The following ROBO1 variants were observed in gnomAD, a reference collection of about 807,000 sequenced individuals.
The protein encoded by ROBO1 is roundabout homolog 1.
ROBO1 carries 149 observed loss-of-function variants against 195.9 expected under a neutral mutation model. That is an observed-to-expected ratio of 0.76 (90% CI 0.67 to 0.87). The LOEUF is 0.87. Among genes scored for constraint, ROBO1 ranks in the 40% least tolerant of loss-of-function variants. ROBO1 has a pLI of 0.00. For missense variants in ROBO1, 1,933 were observed against 2,068.3 expected, an observed-to-expected ratio of 0.93 and a Z score of 1.27; for synonymous variants, 816 against 733.2, an observed-to-expected ratio of 1.11 and a Z score of -1.82.
At chr3:78,616,834 T>A (rs1019768173) in intron 27 of ROBO1, among the ~76,000 whole-genome samples, 4 of 152,152 alleles carry the variant, frequency 2.6e-5, no homozygotes, top group African/African-American at 4.8e-5. Flanking sequence ...TACATTTAAA[T>A]TCTTTTCTTT....
chr3:79,013,743 T>A (rs2077848329), intron 3 of ROBO1, among the ~76,000 whole-genome samples: 1 of 152,310 alleles, frequency 6.6e-6, no homozygotes, highest in African/African-American at 2.4e-5. Flanking sequence ...AGTAATATCT[T>A]AGAAATAACA....
chr3:79,312,803 T>C (rs1160817853), intron 2 of ROBO1, among the ~76,000 whole-genome samples: 1 of 152,068 alleles, frequency 6.6e-6, no homozygotes, highest in Non-Finnish European at 1.5e-5. Context: ...CTAACTTGGA[T>C]GAAAAAAAAT....
intron 2 of ROBO1, among the ~76,000 whole-genome samples, chr3:79,543,944 A>T (rs1197301775): frequency 6.6e-6 from 1 of 152,144 alleles, no homozygotes; most frequent in Non-Finnish European, 1.5e-5. Flanking sequence ...AGCAGAAATA[A>T]GCAAAAATGT....
At chr3:78,750,508 TAAA>T (rs1160655680) in intron 4 of ROBO1, among the ~76,000 whole-genome samples, 1 of 149,650 alleles carries the variant, frequency 6.7e-6, no homozygotes, top group Non-Finnish European at 1.5e-5. Flanking sequence ...TAAAATAAAA[TAAA>T]AAAGTTCACT....
intron 2 of ROBO1, among the ~76,000 whole-genome samples, chr3:79,408,244 T>A (rs201754272): frequency 5.5e-5 from 8 of 146,312 alleles, no homozygotes; most frequent in African/African-American, 1.5e-4. Flanking sequence ...ATAAAAAAAA[T>A]TAAAAAATTT....
At position 78,812,019 on chromosome 3, in the gene ROBO1, G is replaced by C. The variant is rs145201195; in HGVS notation, c.500-65119C>G. On this transcript the variant is annotated intron_variant, in intron 4 of 30. Coordinates refer to ENST00000464233, the MANE Select transcript of ROBO1 (RefSeq NM_002941.4). ...CGGTGGAATCGTTTCCTAGCAAGGT[G>C]CCTGAATTTTAGGAGTCCTTTGATA... Among the ~76,000 whole-genome samples, 708 of 152,194 alleles carry C rather than the reference G, an allele frequency of 4.7e-3. 2 individuals are homozygous for C. The highest frequency in any genetic ancestry group is 7.4e-3 in the Non-Finnish European group (505 of 67,994).
chr3:79,307,500 A>G (rs1172665508), intron 2 of ROBO1, among the ~76,000 whole-genome samples: 1 of 152,136 alleles, frequency 6.6e-6, no homozygotes, highest in African/African-American at 2.4e-5. Flanking sequence ...CAGGATTTTA[A>G]TGGATGGTTT....
chr3:78,651,545 T>C (rs1017364445), intron 19 of ROBO1, among the ~76,000 whole-genome samples, 187 bp downstream of exon 19: 3 of 152,100 alleles, frequency 2.0e-5, no homozygotes, highest in African/African-American at 7.2e-5. Flanking sequence ...TAAACTCTAT[T>C]TGTAGTTCTG....
chr3:79,018,963 T>C (rs1458271859), intron 3 of ROBO1: 3 of 989,156 alleles, frequency 3.0e-6, no homozygotes, highest in East Asian at 2.2e-4. Flanking sequence ...GCGGCGGCGA[T>C]AGCAGCCAAA....
At chr3:79,011,099 C>T (rs1236979022) in intron 3 of ROBO1, among the ~76,000 whole-genome samples, 1 of 152,130 alleles carries the variant, frequency 6.6e-6, no homozygotes, top group Non-Finnish European at 1.5e-5. Flanking sequence ...ACTTCCCAAA[C>T]CAAGCAACTA....
chr3:78,904,689 T>C (rs970232306), intron 4 of ROBO1, among the ~76,000 whole-genome samples: 5 of 149,432 alleles, frequency 3.3e-5, no homozygotes, highest in African/African-American at 1.3e-4. Flanking sequence ...TGTATACGTA[T>C]ACATATGTAT....
intron 2 of ROBO1, among the ~76,000 whole-genome samples, chr3:79,541,050 C>T (rs948634931): frequency 1.3e-5 from 2 of 151,872 alleles, no homozygotes; most frequent in African/African-American, 4.8e-5. Context: ...ACCTCAATAT[C>T]CTGGATGGAA....
intron 2 of ROBO1, among the ~76,000 whole-genome samples, chr3:79,504,402 A>G (rs1481735418): frequency 6.6e-6 from 1 of 152,162 alleles, no homozygotes; most frequent in African/African-American, 2.4e-5. Flanking sequence ...AATGCTGAAA[A>G]TAAGAGACCT....
intron 9 of ROBO1, among the ~76,000 whole-genome samples, chr3:78,687,352 C>G (rs528088222): frequency 1.3e-5 from 2 of 151,940 alleles, no homozygotes; most frequent in African/African-American, 4.8e-5. Flanking sequence ...TAGAACCTAC[C>G]AAGACACTAG....
chr3:78,865,989 T>C lies in ROBO1; in HGVS notation c.499+72612A>G, dbSNP rs1224132303. On this transcript the variant is annotated intron_variant, in intron 4 of 30. Coordinates refer to ENST00000464233, the MANE Select transcript of ROBO1 (RefSeq NM_002941.4). ...ACATATAGATCTCCTAATATCTGTATCAATATCTATATGTAACAGATGGAT... is the reference window on the plus strand; with the variant it reads ...ACATATAGATCTCCTAATATCTGTACCAATATCTATATGTAACAGATGGAT... Among the ~76,000 whole-genome samples, 3 of 152,172 alleles carry C rather than the reference T, an allele frequency of 2.0e-5. No individual in the cohort carries two copies. In the East Asian group the frequency reaches 5.8e-4, roughly 29 times the overall value.
At chr3:79,276,929 C>T (rs2031084642) in intron 2 of ROBO1, among the ~76,000 whole-genome samples, 1 of 151,768 alleles carries the variant, frequency 6.6e-6, no homozygotes, top group Non-Finnish European at 1.5e-5. Context: ...ACCATCTCAC[C>T]CCAGTTAAAA....
At chr3:78,656,898 C>CTCTCTCTCTCTCTCTT (rs940802709) in intron 18 of ROBO1, among the ~76,000 whole-genome samples, 200 bp downstream of exon 18, 3 of 150,932 alleles carry the variant, frequency 2.0e-5, no homozygotes, top group Non-Finnish European at 4.4e-5. Context: ...TCTAGTCTGT[C>CTCTCTCTCTCTCTCTT]TCTCTCTCTC....
At chr3:79,459,261 T>C (rs1378186106) in intron 2 of ROBO1, among the ~76,000 whole-genome samples, 1 of 152,156 alleles carries the variant, frequency 6.6e-6, no homozygotes, top group African/African-American at 2.4e-5. Flanking sequence ...CTCTTTAAAA[T>C]GTAATCAATC....
intron 4 of ROBO1, among the ~76,000 whole-genome samples, chr3:78,895,090 G>C (rs2037152022): frequency 1.3e-5 from 2 of 152,200 alleles, no homozygotes; most frequent in African/African-American, 4.8e-5. Context: ...CATGAAACAA[G>C]TTGAGAGTTT....
Sources: gnomAD v4.1 joint callset for allele counts (sites outside exome capture counted in the v4.1 genomes callset) on GRCh38, gnomAD v4.1.1 for gene constraint, MANE v1.5 for transcripts, NCBI Gene and HGNC (gene_info 2026-07-23, HGNC 2026-07-21) for gene names.